DLGAP1: variants seen among roughly 807,000 people sequenced by gnomAD.
The protein encoded by DLGAP1 is disks large-associated protein 1.
A neutral mutation model predicts 90.8 loss-of-function variants in DLGAP1; 11 were observed. The ratio of observed to expected loss-of-function variants is 0.12; its 90% CI spans 0.08 to 0.20. The LOEUF is 0.20. Ranked by LOEUF, DLGAP1 falls within the 10% of genes least tolerant of loss-of-function variation. The pLI, the probability that DLGAP1 is intolerant of heterozygous loss-of-function variation, is 1.00. For missense variants in DLGAP1, 1,050 were observed against 1,333.8 expected (o/e 0.79, Z 3.31); for synonymous variants, 558 against 540.7 (o/e 1.03, Z -0.44).
intron 1 of DLGAP1, among the ~76,000 whole-genome samples, chr18:4,303,473 CCT>C (rs1183134870): frequency 6.6e-6 from 1 of 152,146 alleles, no homozygotes; most frequent in Admixed American, 6.5e-5. Flanking sequence ...GTCAGGCTGG[CCT>C]CTCTCAGAGC....
chr18:4,434,876 T>C (rs2083366630), intron 1 of DLGAP1, among the ~76,000 whole-genome samples: 2 of 152,096 alleles, frequency 1.3e-5, no homozygotes, highest in Non-Finnish European at 2.9e-5. Context: ...GAGAGAAACA[T>C]CATAAAACAC....
chr18:3,728,327 TACATGTTTCATATGCACGCATTGTC>T (rs2062269811), intron 7 of DLGAP1, among the ~76,000 whole-genome samples: 2 of 82,446 alleles, frequency 2.4e-5, no homozygotes, highest in African/African-American at 2.0e-4. Flanking sequence ...TATATATATA[TACATGTTTCATATGCACGCATTGTC>T]ATATATAGCC....
chr18:4,413,538 C>T (rs555570559), intron 1 of DLGAP1, among the ~76,000 whole-genome samples: 26 of 152,298 alleles, frequency 1.7e-4, no homozygotes, highest in Non-Finnish European at 3.1e-4. Context: ...TATTCTGCCA[C>T]GAGGGCTCCC....
chr18:3,693,732 G>A (rs965094987), intron 7 of DLGAP1, among the ~76,000 whole-genome samples: 1 of 152,164 alleles, frequency 6.6e-6, no homozygotes, highest in African/African-American at 2.4e-5. Flanking sequence ...ATTATTCTCT[G>A]CTGAAAATCT....
chr18:4,342,903 C>A lies in DLGAP1; in HGVS notation c.-267+112103G>T, dbSNP rs183581333. On this transcript the variant is annotated intron_variant, in intron 1 of 12. Coordinates refer to ENST00000315677, the MANE Select transcript of DLGAP1 (RefSeq NM_004746.4). This position sits in a 1 kb window ranked among gnomAD's most constrained non-coding sequence, Gnocchi z 5.8. Reference sequence around the variant, plus strand: ...TAGCTTTGCATAAACAATATCAGATCTGAATATGAGAGATGAAGCCAAAAT... The same window carrying A: ...TAGCTTTGCATAAACAATATCAGATATGAATATGAGAGATGAAGCCAAAAT... 1.2e-4 allele frequency among the ~76,000 whole-genome samples: 18 copies of A among 152,238 alleles called. No homozygotes were observed. Among genetic ancestry groups the A allele is most frequent in the Admixed American group, 1.3e-4 (2 of 15,290 alleles).
At chr18:4,306,505 GAGGGAA>G (rs2080269018) in intron 1 of DLGAP1, among the ~76,000 whole-genome samples, 2 of 151,630 alleles carry the variant, frequency 1.3e-5, no homozygotes, top group Admixed American at 1.3e-4. Context: ...AAGAAGAAAG[GAGGGAA>G]AGGGGAAGGA....
chr18:3,529,751 G>A (rs1468303277), intron 10 of DLGAP1, among the ~76,000 whole-genome samples: 1 of 152,214 alleles, frequency 6.6e-6, no homozygotes, highest in Non-Finnish European at 1.5e-5. Flanking sequence ...GCGATACCCA[G>A]TTCAGCTTGA....
rs922294438 is a variant in DLGAP1 at position 4,378,071 on chromosome 18, T to C, written c.-267+76935A>G. Among the ~76,000 whole-genome samples the C allele has an allele frequency of 1.3e-5, 2 of 149,038 alleles. No individual in the cohort carries two copies. Among genetic ancestry groups the C allele is most frequent in the South Asian group, 2.1e-4 (1 of 4,804 alleles). On this transcript the variant is annotated intron_variant, in intron 1 of 12. Coordinates refer to ENST00000315677, the MANE Select transcript of DLGAP1 (RefSeq NM_004746.4). The surrounding 1 kb of genome is among the most constrained non-coding windows in gnomAD (Gnocchi z 4.5). ...TTATATATACATATTATAAAATATATATATCACTTTTCAATCTTTTTTCTA... is the reference window on the plus strand; with the variant it reads ...TTATATATACATATTATAAAATATACATATCACTTTTCAATCTTTTTTCTA...
chr18:4,047,746 T>C (rs912824975), intron 2 of DLGAP1, among the ~76,000 whole-genome samples: 18 of 152,226 alleles, frequency 1.2e-4, no homozygotes, highest in African/African-American at 4.1e-4. Flanking sequence ...GCTTATCACC[T>C]GTAAAATGGC....
At chr18:4,010,332 C>T (rs1434039794) in intron 2 of DLGAP1, among the ~76,000 whole-genome samples, 2 of 151,900 alleles carry the variant, frequency 1.3e-5, no homozygotes, top group African/African-American at 2.4e-5. Flanking sequence ...ATTGCTAGAG[C>T]GTATGAGTTC....
At chr18:4,242,479 T>C (rs1276576452) in intron 1 of DLGAP1, among the ~76,000 whole-genome samples, 1 of 152,094 alleles carries the variant, frequency 6.6e-6, no homozygotes, top group African/African-American at 2.4e-5. Context: ...GTAAATCTGC[T>C]CTTGGAAATG....
intron 7 of DLGAP1, among the ~76,000 whole-genome samples, chr18:3,699,794 C>T (rs1473601953): frequency 6.6e-6 from 1 of 152,170 alleles, no homozygotes; most frequent in African/African-American, 2.4e-5. Context: ...ACTTATAGGC[C>T]CCTGACTGGG....
intron 1 of DLGAP1, among the ~76,000 whole-genome samples, chr18:4,196,136 C>G (rs1568445205): frequency 6.6e-6 from 1 of 152,152 alleles, no homozygotes; most frequent in Non-Finnish European, 1.5e-5. Context: ...AAAAGTCCAT[C>G]TAGGCACTGG....
At chr18:4,277,949 A>C (rs2079452898) in intron 1 of DLGAP1, among the ~76,000 whole-genome samples, 2 of 152,154 alleles carry the variant, frequency 1.3e-5, no homozygotes. Context: ...ACTGTTGAGC[A>C]GTCCTTTACT....
intron 3 of DLGAP1, among the ~76,000 whole-genome samples, chr18:3,932,959 G>A (rs965597513): frequency 5.9e-5 from 9 of 152,124 alleles, no homozygotes; most frequent in Non-Finnish European, 1.0e-4. Flanking sequence ...GACTGGACTC[G>A]GGGAGGTGAC....
intron 2 of DLGAP1, among the ~76,000 whole-genome samples, chr18:4,115,415 A>G (rs1303719289): frequency 6.6e-6 from 1 of 151,752 alleles, no homozygotes; most frequent in Non-Finnish European, 1.5e-5. Context: ...TAACCTTATT[A>G]TATACTGTTT....
intron 4 of DLGAP1, among the ~76,000 whole-genome samples, chr18:3,846,093 A>C (rs2068998616): frequency 7.5e-6 from 1 of 132,812 alleles, no homozygotes; most frequent in South Asian, 2.4e-4. Context: ...TCATTTCGGG[A>C]TGGGGCAAAG....
At chr18:3,834,250 G>C (rs1236550724) in intron 4 of DLGAP1, among the ~76,000 whole-genome samples, 1 of 144,722 alleles carries the variant, frequency 6.9e-6, no homozygotes, top group African/African-American at 2.6e-5. Flanking sequence ...AGCTTGCAGT[G>C]AGCCGAGATC....
intron 4 of DLGAP1, among the ~76,000 whole-genome samples, chr18:3,861,607 C>T (rs187720477): frequency 6.6e-6 from 1 of 152,298 alleles, no homozygotes; most frequent in Admixed American, 6.5e-5. Flanking sequence ...GGATGAGATG[C>T]CCTGCCCTTC....
Sources: allele counts gnomAD v4.1 joint callset (sites outside exome capture counted in the v4.1 genomes callset), GRCh38; gene constraint gnomAD v4.1.1; non-coding constraint Gnocchi (gnomAD v3.1); transcripts MANE v1.5; gene names NCBI Gene and HGNC (gene_info 2026-07-23, HGNC 2026-07-21).